BDP1: variants seen among roughly 807,000 people sequenced by gnomAD.
BDP1 encodes BDP1 general transcription factor IIIB subunit.
A neutral mutation model predicts 266.6 loss-of-function variants in BDP1; 169 were observed. The ratio of observed to expected loss-of-function variants is 0.63; its 90% CI spans 0.56 to 0.72. The LOEUF (loss-of-function observed/expected upper bound fraction) is 0.72, where lower values mean the gene tolerates loss of function less well. Ranked by LOEUF, BDP1 falls within the 30% of genes least tolerant of loss-of-function variation. The pLI is 0.00. For missense variants in BDP1, 3,015 were observed against 3,053.8 expected (o/e 0.99, Z 0.30); for synonymous variants, 1,090 against 1,022.4 (o/e 1.07, Z -1.26).
intron 27 of BDP1, among the ~76,000 whole-genome samples, chr5:71,539,334 T>C (rs1031424722): frequency 6.6e-6 from 1 of 152,192 alleles, no homozygotes; most frequent in Non-Finnish European, 1.5e-5. Context: ...GAAGATATTA[T>C]TTAATGGGAG....
At chr5:71,527,875 G>T (rs957951076) in intron 25 of BDP1, among the ~76,000 whole-genome samples, 1 of 149,218 alleles carries the variant, frequency 6.7e-6, no homozygotes, top group Non-Finnish European at 1.5e-5. Flanking sequence ...GTAGAGTACA[G>T]TGGCGCAATC....
intron 25 of BDP1, among the ~76,000 whole-genome samples, chr5:71,529,036 A>G (rs1766072975): frequency 6.6e-6 from 1 of 152,206 alleles, no homozygotes. Flanking sequence ...CTTAGATTCT[A>G]TTCCTTATGG....
At chr5:71,461,955 T>TAC in intron 3 of BDP1, 29 bp downstream of exon 3, 2 of 783,304 alleles carry the variant, frequency 2.6e-6, no homozygotes, top group Non-Finnish European at 4.2e-6. Context: ...TGCTTTACTA[T>TAC]CTCTTTTTTT....
Position 71,516,357 on chromosome 5 carries a change from G to A in BDP1, c.4860+86G>A, listed in dbSNP as rs928422889. On this transcript the variant is annotated intron_variant, in intron 21 of 38. Coordinates refer to ENST00000358731, the MANE Select transcript of BDP1 (RefSeq NM_018429.3). ...GCTCAGACATAGCTTAGAAATACAG[G>A]CATCTGACACTTATTCTACTCAATG... 9.3e-6 allele frequency: 9 copies of A among 972,190 alleles called. No individual in the cohort carries two copies. The African/African-American group carries it at 1.5e-4, about 16-fold the overall frequency. 60.2% of individuals were successfully genotyped at this position (972,190 alleles called of 1,614,324 possible). A position where few individuals can be genotyped will look rare whatever the true frequency, so the allele number is the denominator to read the frequency against.
chr5:71,544,461 G>A lies in BDP1; in HGVS notation c.6517G>A (p.Gly2173Ser). 1 of 1,613,920 alleles carries A rather than the reference G, an allele frequency of 6.2e-7. No individual in the cohort carries two copies. Among genetic ancestry groups the A allele is most frequent in the Non-Finnish European group, 8.5e-7 (1 of 1,179,934 alleles). ...KDQSKLACVH[G>S]IKGTSISSEV... ...TCAGAGCAAATTGGCATGTGTACATGGTATCAAAGGGACCAGTATTTCTTC... is the reference window on the plus strand; with the variant it reads ...TCAGAGCAAATTGGCATGTGTACATAGTATCAAAGGGACCAGTATTTCTTC... Residue 2173 changes from glycine (G) to serine (S), a missense_variant, in exon 31 of 39, where the codon GGT becomes AGT. Around this residue, in one of 3 missense-constraint regions of BDP1, gnomAD observed 629 missense variants for 632.5 expected, o/e 0.99. Coordinates refer to ENST00000358731, the MANE Select transcript of BDP1 (RefSeq NM_018429.3).
At chr5:71,519,572 G>A (rs1765394002) in intron 22 of BDP1, among the ~76,000 whole-genome samples, 2 of 152,180 alleles carry the variant, frequency 1.3e-5, no homozygotes, top group Non-Finnish European at 2.9e-5. Context: ...TTGTCTTTCT[G>A]TGCCTGGCTT....
At chr5:71,564,688 A>G in intron 38 of BDP1, 66 bp from the exon 39 acceptor site, 2 of 1,349,154 alleles carry the variant, frequency 1.5e-6, no homozygotes, top group Non-Finnish European at 1.0e-6. Context: ...CTATATATAC[A>G]CACACATATA....
intron 26 of BDP1, among the ~76,000 whole-genome samples, chr5:71,535,773 T>C (rs1307102960): frequency 6.6e-6 from 1 of 152,120 alleles, no homozygotes; most frequent in Non-Finnish European, 1.5e-5. Flanking sequence ...TGCAGCAGCA[T>C]ACTTCCACCC....
rs546511947 is a variant in BDP1, at chr5:71,558,842, A to C, written c.7241-1140A>C. Among the ~76,000 whole-genome samples, 33 of 150,172 alleles carry C rather than the reference A, an allele frequency of 2.2e-4. No individual in the cohort carries two copies. In the East Asian group the frequency reaches 2.9e-3, roughly 13 times the overall value. On this transcript the variant is annotated intron_variant, in intron 36 of 38. Coordinates refer to ENST00000358731, the MANE Select transcript of BDP1 (RefSeq NM_018429.3). ...ACTCTGTCTCAAAAACAAAAAAAAA[A>C]AACAACAAAAAAACCCCACACATAT... is the stretch of plus-strand genomic sequence containing the variant.
At chr5:71,507,937 GAAACAAGCA>G (rs1236674195) in intron 16 of BDP1, among the ~76,000 whole-genome samples, 1 of 152,142 alleles carries the variant, frequency 6.6e-6, no homozygotes, top group Non-Finnish European at 1.5e-5. Flanking sequence ...TAAAGAAGTT[GAAACAAGCA>G]ATAGCATACT....
At chr5:71,523,850 G>C (rs979778031) in intron 24 of BDP1, 89 bp from the exon 25 acceptor site, 18 of 1,294,142 alleles carry the variant, frequency 1.4e-5, no homozygotes, top group Middle Eastern at 2.5e-4. Context: ...TTAATGACTG[G>C]AACTGGAATT....
chr5:71,549,380 T>C, intron 33 of BDP1, 40 bp from the exon 34 acceptor site: 1 of 1,468,930 alleles, frequency 6.8e-7, no homozygotes. Flanking sequence ...TGTTATTTCA[T>C]AGTTGAGCTT....
intron 7 of BDP1, 71 bp downstream of exon 7, chr5:71,470,560 C>T: frequency 2.0e-6 from 2 of 991,818 alleles, no homozygotes; most frequent in African/African-American, 1.7e-5. Context: ...GTATTATTCG[C>T]TTACCTTTGG....
chr5:71,548,616 C>A, intron 32 of BDP1, 66 bp from the exon 33 acceptor site: 1 of 961,196 alleles, frequency 1.0e-6, no homozygotes, highest in Non-Finnish European at 1.7e-6. Flanking sequence ...ATCATATTGA[C>A]AGGAATAACT....
chr5:71,515,259 A>G, intron 20 of BDP1, 137 bp downstream of exon 20: 1 of 681,136 alleles, frequency 1.5e-6, no homozygotes, highest in Non-Finnish European at 2.4e-6. Context: ...GATACAGCAG[A>G]CTGCCTAAAA....
chr5:71,541,211 T>A (rs1190967050), intron 28 of BDP1, among the ~76,000 whole-genome samples: 1 of 152,146 alleles, frequency 6.6e-6, no homozygotes, highest in Non-Finnish European at 1.5e-5. Flanking sequence ...CGGATAAAAT[T>A]CCAGTCTGTA....
Position 71,538,316 on chromosome 5 carries a change from G to A in BDP1, c.5893-726G>A, listed in dbSNP as rs76562316. ...AAGTCCTACTCCCCTAGGGAAAAAT[G>A]CTCTCCAGGTGGGACCTTGGGGACT... On this transcript the variant is annotated intron_variant, in intron 26 of 38. Coordinates refer to ENST00000358731, the MANE Select transcript of BDP1 (RefSeq NM_018429.3). 2.9e-3 allele frequency among the ~76,000 whole-genome samples: 443 copies of A among 152,288 alleles called. 3 individuals are homozygous for A. Among genetic ancestry groups the A allele is most frequent in the African/African-American group, 0.01 (416 of 41,544 alleles).
chr5:71,489,863 TAAAC>T (rs913753476), intron 10 of BDP1, among the ~76,000 whole-genome samples, 181 bp downstream of exon 10: 21 of 152,332 alleles, frequency 1.4e-4, no homozygotes, highest in Middle Eastern at 3.4e-3. Flanking sequence ...GTAAAAAAAT[TAAAC>T]AAATTAAAGT....
chr5:71,576,909 CCAT>C, the BDP1 span, among the ~76,000 whole-genome samples: 3 of 47,668 alleles, frequency 6.3e-5, no homozygotes. Flanking sequence ...ATCTGGGTTG[CCAT>C]AATACTATCC....
Sources: allele counts gnomAD v4.1 joint callset (sites outside exome capture counted in the v4.1 genomes callset), GRCh38; gene constraint gnomAD v4.1.1; regional missense constraint gnomAD v4.1.1; transcripts MANE v1.5; gene names NCBI Gene and HGNC (gene_info 2026-07-23, HGNC 2026-07-21).